EBF1: variants seen among roughly 807,000 people sequenced by gnomAD.
The protein encoded by EBF1 is EBF transcription factor 1, also known as transcription factor COE1.
In EBF1, 10 loss-of-function variants were observed where a neutral mutation model predicts 68.4. The ratio of observed to expected loss-of-function variants is 0.15; its 90% CI spans 0.09 to 0.25. EBF1 has a LOEUF of 0.25. EBF1 is among the 10% of genes least tolerant of loss of function. The probability of loss-of-function intolerance (pLI) is 1.00; values close to 1 mark genes in which losing one functional copy is unlikely to be tolerated. For missense variants in EBF1, 509 were observed against 794.4 expected (o/e 0.64, Z 4.32); for synonymous variants, 298 against 299.8 (o/e 0.99, Z 0.06).
At chr5:158,875,041 GCACACACACACACATACA>G (rs1182127268) in intron 6 of EBF1, among the ~76,000 whole-genome samples, 2 of 102,350 alleles carry the variant, frequency 2.0e-5, no homozygotes, top group Non-Finnish European at 3.8e-5. Flanking sequence ...ACACACACAA[GCACACACACACACATACA>G]CACACACACA....
In EBF1 at chr5:158,712,957, G is replaced by T; in HGVS notation, c.1369+13C>A. On this transcript the variant is annotated intron_variant, in intron 13 of 15. Transcript: ENST00000313708. ...TTAAGGTTGGGGAGGGAAGAGAAAA[G>T]CAAGCTTCTGACCCTGATTGGTGGC... 1 of 1,429,426 alleles carries T rather than the reference G, an allele frequency of 7.0e-7. No individual in the cohort carries two copies. The highest frequency in any genetic ancestry group is 9.2e-7 in the Non-Finnish European group (1 of 1,081,384). 88.5% of individuals were successfully genotyped at this position (1,429,426 alleles called of 1,614,324 possible). A position where few individuals can be genotyped will look rare whatever the true frequency, so the allele number is the denominator to read the frequency against.
At chr5:158,908,147 T>C (rs1451481460) in intron 6 of EBF1, among the ~76,000 whole-genome samples, 1 of 152,192 alleles carries the variant, frequency 6.6e-6, no homozygotes, top group African/African-American at 2.4e-5. Context: ...GTGGCTCCTC[T>C]CACTATATCC....
intron 12 of EBF1, among the ~76,000 whole-genome samples, 169 bp from the exon 13 acceptor site, chr5:158,713,316 A>G (rs1364433444): frequency 1.3e-5 from 2 of 152,212 alleles, no homozygotes; most frequent in East Asian, 3.8e-4. Flanking sequence ...TCATGCCTGT[A>G]TCCGAAATGG....
intron 6 of EBF1, among the ~76,000 whole-genome samples, chr5:159,032,868 G>A (rs1419394013): frequency 2.0e-5 from 3 of 152,070 alleles, no homozygotes; most frequent in East Asian, 3.9e-4. Context: ...TGTTAACTAT[G>A]TTCTCTATTT....
intron 6 of EBF1, among the ~76,000 whole-genome samples, chr5:159,056,684 A>T (rs1385601728): frequency 6.6e-6 from 1 of 152,196 alleles, no homozygotes; most frequent in Non-Finnish European, 1.5e-5. Flanking sequence ...ATTCTGCAAC[A>T]ATGCCTCACT....
intron 7 of EBF1, among the ~76,000 whole-genome samples, chr5:158,823,800 T>G (rs918263316): frequency 3.3e-5 from 5 of 152,202 alleles, no homozygotes; most frequent in Non-Finnish European, 7.3e-5. Flanking sequence ...CTCTCCTGGA[T>G]GTCTTTTTGA....
chr5:159,065,284 G>A (rs1241178037), intron 6 of EBF1, among the ~76,000 whole-genome samples: 5 of 152,064 alleles, frequency 3.3e-5, no homozygotes, highest in Admixed American at 3.3e-4. Flanking sequence ...TTGACCATTA[G>A]AAAAGTTACC....
chr5:158,759,232 T>G (rs1393814605), intron 10 of EBF1, among the ~76,000 whole-genome samples: 1 of 152,174 alleles, frequency 6.6e-6, no homozygotes, highest in Non-Finnish European at 1.5e-5. Flanking sequence ...GAGTTAGTCT[T>G]GATAGTTAGA....
chr5:159,021,589 T>C (rs1223372326), intron 6 of EBF1, among the ~76,000 whole-genome samples: 4 of 152,232 alleles, frequency 2.6e-5, no homozygotes, highest in Admixed American at 6.5e-5. Context: ...CGTGTGTATA[T>C]AAAGACAAGG....
At position 158,713,189 on chromosome 5, in the gene EBF1, A is replaced by G. The variant is rs773507828; in HGVS notation, c.1192-42T>C. 10 of 1,348,734 alleles carry G rather than the reference A, an allele frequency of 7.4e-6. No homozygotes were observed. The South Asian group carries it at 1.6e-4, about 21-fold the overall frequency. The allele number at this position is 1,348,734 out of a possible 1,614,324, so 83.5% of individuals were successfully genotyped here. ...ATATCCCCTTCAGCTGCCCCCAGTC[A>G]TATTCCCAATAATACCATTTTTTCG... On this transcript the variant is annotated intron_variant, in intron 12 of 15. Transcript: ENST00000313708.
intron 6 of EBF1, among the ~76,000 whole-genome samples, chr5:158,926,855 A>G (rs11742026): frequency 0.079 from 12,050 of 152,316 alleles, 1,167 homozygotes; most frequent in East Asian, 0.52. Flanking sequence ...TAAGTTGTCT[A>G]TACAGACTTT....
At chr5:158,907,438 G>A (rs1804898458) in intron 6 of EBF1, among the ~76,000 whole-genome samples, 1 of 152,152 alleles carries the variant, frequency 6.6e-6, no homozygotes, top group South Asian at 2.1e-4. Context: ...AAATAGGTGT[G>A]TATCTTAGCA....
At chr5:159,004,997 C>T (rs1763271434) in intron 6 of EBF1, among the ~76,000 whole-genome samples, 1 of 152,180 alleles carries the variant, frequency 6.6e-6, no homozygotes, top group Non-Finnish European at 1.5e-5. Context: ...GAAAAGTGCC[C>T]TTCAACAAAC....
At chr5:159,061,386 G>A (rs1255841993) in intron 6 of EBF1, among the ~76,000 whole-genome samples, 1 of 151,550 alleles carries the variant, frequency 6.6e-6, no homozygotes, top group Non-Finnish European at 1.5e-5. Context: ...AGGCAGCAAC[G>A]AGAATTTGAT....
intron 6 of EBF1, among the ~76,000 whole-genome samples, chr5:159,062,489 G>A (rs563023702): frequency 1.3e-4 from 20 of 152,014 alleles, no homozygotes; most frequent in Non-Finnish European, 2.8e-4. Flanking sequence ...ATTGGGGAGG[G>A]GGAGGGAGGG....
chr5:158,734,406 A>C (rs1308410560), intron 10 of EBF1, among the ~76,000 whole-genome samples: 1 of 152,188 alleles, frequency 6.6e-6, no homozygotes. Context: ...ATAACCTTGC[A>C]TAGGTTATTA....
intron 8 of EBF1, among the ~76,000 whole-genome samples, chr5:158,801,897 T>C (rs1208881016): frequency 1.3e-5 from 2 of 152,174 alleles, no homozygotes; most frequent in Admixed American, 6.5e-5. Flanking sequence ...TTCAAGTGCC[T>C]GCACACTCGC....
At chr5:158,899,983 G>A (rs1348030950) in intron 6 of EBF1, among the ~76,000 whole-genome samples, 2 of 152,140 alleles carry the variant, frequency 1.3e-5, no homozygotes, top group Non-Finnish European at 2.9e-5. Flanking sequence ...GAACCCAGAT[G>A]ACAAGCTGGG....
chr5:158,982,461 C>T (rs1199423130), intron 6 of EBF1, among the ~76,000 whole-genome samples: 1 of 152,180 alleles, frequency 6.6e-6, no homozygotes, highest in Non-Finnish European at 1.5e-5. Flanking sequence ...TAAAGATTAA[C>T]AAGATTAAAT....
Sources: allele counts gnomAD v4.1 joint callset (sites outside exome capture counted in the v4.1 genomes callset), GRCh38; gene constraint gnomAD v4.1.1; transcripts MANE v1.5; gene names NCBI Gene and HGNC (gene_info 2026-07-23, HGNC 2026-07-21).